The following ABCA13 variants were observed in gnomAD, a reference collection of about 807,000 sequenced individuals.
ABCA13 encodes the protein ATP binding cassette subfamily A member 13.
ABCA13 carries 476 observed loss-of-function variants against 478.7 expected under a neutral mutation model. The observed-to-expected ratio is 0.99, with a 90% CI of 0.92 to 1.07. ABCA13 has a LOEUF of 1.07. Among genes scored for constraint, ABCA13 ranks in the 50% least tolerant of loss-of-function variants. ABCA13 has a pLI of 0.00. For missense variants in ABCA13, 6,060 were observed against 5,910.6 expected, an observed-to-expected ratio of 1.03 and a Z score of -0.83; for synonymous variants, 2,252 against 2,158.9, an observed-to-expected ratio of 1.04 and a Z score of -1.20.
intron 55 of ABCA13, among the ~76,000 whole-genome samples, chr7:48,551,438 T>G (rs1785312272): frequency 1.3e-5 from 2 of 151,904 alleles, no homozygotes; most frequent in South Asian, 4.1e-4. Flanking sequence ...TTTCAAAAAT[T>G]TGAATTTCCA....
chr7:48,577,905 C>G (rs1188903197), intron 55 of ABCA13, among the ~76,000 whole-genome samples: 2 of 152,024 alleles, frequency 1.3e-5, no homozygotes, highest in Non-Finnish European at 2.9e-5. Context: ...TCCAGATAGG[C>G]AAGGTTCGTT....
intron 2 of ABCA13, among the ~76,000 whole-genome samples, chr7:48,194,829 C>T (rs1584097472): frequency 6.8e-6 from 1 of 147,446 alleles, no homozygotes; most frequent in Non-Finnish European, 1.5e-5. Flanking sequence ...TTAAGAAAAC[C>T]TAAAAAGCTT....
intron 27 of ABCA13, among the ~76,000 whole-genome samples, chr7:48,332,030 G>A (rs181061346): frequency 2.6e-5 from 4 of 152,274 alleles, no homozygotes; most frequent in African/African-American, 9.6e-5. Flanking sequence ...TTTAAACTTA[G>A]CATAATTCCC....
At position 48,426,580 on chromosome 7, in the gene ABCA13, C is replaced by T. The variant is rs78847993; in HGVS notation, c.12460-1186C>T. Among the ~76,000 whole-genome samples, 1,107 of 152,240 alleles carry T rather than the reference C, an allele frequency of 7.3e-3. 12 individuals are homozygous for T. The highest frequency in any genetic ancestry group is 0.026 in the African/African-American group (1,064 of 41,548). On this transcript the variant is annotated intron_variant, in intron 41 of 61. Coordinates refer to ENST00000435803, the MANE Select transcript of ABCA13 (RefSeq NM_152701.5). ...ACCCAGGGCATTGGGTGGGAGGTAC[C>T]AGCTGGATGGACAGTGACGCTGGCC... is the stretch of plus-strand genomic sequence containing the variant.
intron 61 of ABCA13, 111 bp downstream of exon 61, chr7:48,644,865 C>G: frequency 8.6e-7 from 1 of 1,160,236 alleles, no homozygotes; most frequent in Non-Finnish European, 1.2e-6. Flanking sequence ...TTATTCAATT[C>G]ATCTTGTTAA....
At chr7:48,359,209 A>T (rs2129000436) in intron 31 of ABCA13, among the ~76,000 whole-genome samples, 1 of 152,024 alleles carries the variant, frequency 6.6e-6, no homozygotes, top group South Asian at 2.1e-4. Context: ...AATGGGTGGG[A>T]TGCTCTGAGT....
intron 42 of ABCA13, among the ~76,000 whole-genome samples, chr7:48,436,569 G>A (rs1822861327): frequency 6.6e-6 from 1 of 151,622 alleles, no homozygotes; most frequent in Non-Finnish European, 1.5e-5. Context: ...GTTAGGTTTA[G>A]CTTTTTTCTT....
At chr7:48,630,770 C>G (rs1794098257) in intron 59 of ABCA13, among the ~76,000 whole-genome samples, 1 of 151,326 alleles carries the variant, frequency 6.6e-6, no homozygotes, top group Admixed American at 6.6e-5. Context: ...ACATTCCCAC[C>G]AACAGTGGAT....
intron 51 of ABCA13, among the ~76,000 whole-genome samples, chr7:48,514,161 T>C (rs1391869531): frequency 2.0e-5 from 3 of 152,214 alleles, no homozygotes; most frequent in African/African-American, 7.2e-5. Flanking sequence ...GAGGCTGCTG[T>C]ACCCTTAGAT....
rs1032977021 is a variant in ABCA13 at position 48,379,969 on chromosome 7, C to T, written c.11335+3397C>T. Among the ~76,000 whole-genome samples the T allele has an allele frequency of 2.6e-5, 4 of 152,030 alleles. No homozygotes were observed. The South Asian group carries it at 8.3e-4, about 32-fold the overall frequency. Reference sequence around the variant, plus strand: ...CCATTCAGCCTCCAGTCTTTAAAGACGTTGGAGATCTATTCTTTAGTAGTG... The same window carrying T: ...CCATTCAGCCTCCAGTCTTTAAAGATGTTGGAGATCTATTCTTTAGTAGTG... On this transcript the variant is annotated intron_variant, in intron 35 of 61. Transcript: ENST00000435803.
intron 52 of ABCA13, among the ~76,000 whole-genome samples, chr7:48,517,948 T>C (rs1832255059): frequency 6.6e-6 from 1 of 152,196 alleles, no homozygotes; most frequent in African/African-American, 2.4e-5. Flanking sequence ...GTCTACTTCC[T>C]CATGGCTGGA....
intron 57 of ABCA13, among the ~76,000 whole-genome samples, chr7:48,590,448 T>C (rs190612485): frequency 1.3e-5 from 2 of 152,292 alleles, no homozygotes; most frequent in African/African-American, 4.8e-5. Flanking sequence ...GTCATGAATA[T>C]AGCACTGCAA....
At chr7:48,237,902 C>A (rs1441888348) in intron 8 of ABCA13, among the ~76,000 whole-genome samples, 1 of 152,196 alleles carries the variant, frequency 6.6e-6, no homozygotes, top group East Asian at 1.9e-4. Context: ...TTGGCCTTAT[C>A]TATCTAACAT....
At chr7:48,550,689 G>A (rs1159905835) in intron 55 of ABCA13, among the ~76,000 whole-genome samples, 2 of 150,906 alleles carry the variant, frequency 1.3e-5, no homozygotes, top group East Asian at 1.9e-4. Context: ...ATCTATCTAC[G>A]TACCTACATA....
At chr7:48,597,485 A>G (rs559592763) in intron 58 of ABCA13, among the ~76,000 whole-genome samples, 1 of 152,332 alleles carries the variant, frequency 6.6e-6, no homozygotes, top group South Asian at 2.1e-4. Context: ...TTCTGAGTCA[A>G]GTTGCTAGAT....
chr7:48,404,092 A>G, intron 39 of ABCA13: 1 of 566,254 alleles, frequency 1.8e-6, no homozygotes, highest in East Asian at 4.1e-5. Context: ...TGACCTTTTA[A>G]CTCAATAACA....
At chr7:48,333,510 G>T (rs1411631276) in intron 27 of ABCA13, among the ~76,000 whole-genome samples, 5 of 152,048 alleles carry the variant, frequency 3.3e-5, no homozygotes, top group South Asian at 4.1e-4. Context: ...ATAATGGGTG[G>T]TTTTCAATTG....
At chr7:48,508,183 A>G in intron 50 of ABCA13, 134 bp downstream of exon 50, 1 of 1,039,638 alleles carries the variant, frequency 9.6e-7, no homozygotes, top group Non-Finnish European at 1.4e-6. Context: ...CTTATTGATA[A>G]GAGCATTTCA....
At chr7:48,560,529 T>G (rs1786350344) in intron 55 of ABCA13, among the ~76,000 whole-genome samples, 1 of 152,184 alleles carries the variant, frequency 6.6e-6, no homozygotes, top group African/African-American at 2.4e-5. Flanking sequence ...GGTGCTTTTT[T>G]TGTGTGTAGT....
Sources: gnomAD v4.1 joint callset for allele counts (sites outside exome capture counted in the v4.1 genomes callset) on GRCh38, gnomAD v4.1.1 for gene constraint, MANE v1.5 for transcripts, NCBI Gene and HGNC (gene_info 2026-07-23, HGNC 2026-07-21) for gene names.